Variants in ITPR2 observed in about 807,000 individuals in gnomAD.
ITPR2 encodes inositol 1,4,5-trisphosphate-gated calcium channel ITPR2.
In ITPR2, 207 loss-of-function variants were observed where a neutral mutation model predicts 317.1. The observed-to-expected ratio is 0.65, with a 90% CI of 0.58 to 0.73. The LOEUF (loss-of-function observed/expected upper bound fraction) is 0.73. Ranked by LOEUF, ITPR2 falls within the 30% of genes least tolerant of loss-of-function variation. ITPR2 has a pLI of 0.00. For missense variants in ITPR2, 2,613 were observed against 3,284.0 expected, an observed-to-expected ratio of 0.80 and a Z score of 4.99; for synonymous variants, 1,156 against 1,149.1, an observed-to-expected ratio of 1.01 and a Z score of -0.12.
intron 55 of ITPR2, among the ~76,000 whole-genome samples, chr12:26,368,967 A>G (rs1278003149): frequency 2.0e-5 from 3 of 152,230 alleles, no homozygotes; most frequent in Non-Finnish European, 2.9e-5. Flanking sequence ...GGACCTCTTT[A>G]GAAAAGGTGA....
intron 37 of ITPR2, among the ~76,000 whole-genome samples, chr12:26,509,889 G>C (rs1943285633): frequency 1.4e-5 from 2 of 148,048 alleles, no homozygotes; most frequent in Admixed American, 1.4e-4. Context: ...AAATATGTTA[G>C]TTAAAAAAGC....
At chr12:26,577,893 T>C (rs548150008) in intron 34 of ITPR2, among the ~76,000 whole-genome samples, 3 of 152,326 alleles carry the variant, frequency 2.0e-5, no homozygotes, top group Admixed American at 2.0e-4. Flanking sequence ...TCTGTTTTCT[T>C]AACTATCAAA....
chr12:26,690,293 T>G (rs1948211472), intron 10 of ITPR2, among the ~76,000 whole-genome samples: 1 of 152,218 alleles, frequency 6.6e-6, no homozygotes, highest in African/African-American at 2.4e-5. Context: ...GATCAGCATG[T>G]AACCCAAATA....
chr12:26,396,635 C>T (rs575233824), intron 54 of ITPR2, among the ~76,000 whole-genome samples: 3 of 152,270 alleles, frequency 2.0e-5, no homozygotes, highest in African/African-American at 7.2e-5. Flanking sequence ...CTCCTCCACA[C>T]TCCAGATTTC....
chr12:26,495,614 A>C (rs1379948674), intron 37 of ITPR2: 1 of 159,584 alleles, frequency 6.3e-6, no homozygotes, highest in Non-Finnish European at 1.4e-5. Flanking sequence ...TAACTCAATA[A>C]AGAGTTTTAA....
At chr12:26,742,293 A>G (rs969875882) in intron 2 of ITPR2, among the ~76,000 whole-genome samples, 2 of 152,194 alleles carry the variant, frequency 1.3e-5, no homozygotes, top group Admixed American at 6.5e-5. Context: ...GAAAGAATGA[A>G]CTGCTGCATG....
chr12:26,403,385 G>T (rs913366734), intron 52 of ITPR2, among the ~76,000 whole-genome samples: 3 of 152,206 alleles, frequency 2.0e-5, no homozygotes, highest in Non-Finnish European at 2.9e-5. Context: ...AACAGGGTAA[G>T]TTGGCTATCC....
intron 31 of ITPR2, among the ~76,000 whole-genome samples, chr12:26,595,795 C>G (rs1017617640): frequency 3.9e-5 from 6 of 152,180 alleles, no homozygotes; most frequent in African/African-American, 9.6e-5. Context: ...AGTACTCCAT[C>G]CCCCTGGGCC....
At chr12:26,819,081 A>G (rs1256048446) in intron 1 of ITPR2, among the ~76,000 whole-genome samples, 1 of 152,218 alleles carries the variant, frequency 6.6e-6, no homozygotes, top group African/African-American at 2.4e-5. Flanking sequence ...TCTAGCAAAG[A>G]GCATTATAGG....
At chr12:26,572,953 C>A (rs1945197591) in intron 34 of ITPR2, among the ~76,000 whole-genome samples, 1 of 151,126 alleles carries the variant, frequency 6.6e-6, no homozygotes, top group Admixed American at 6.6e-5. Context: ...TTTGGGGCAA[C>A]ATGATAAAGC....
intron 55 of ITPR2, among the ~76,000 whole-genome samples, chr12:26,344,513 C>A (rs1015108723): frequency 6.6e-6 from 1 of 152,148 alleles, no homozygotes. Flanking sequence ...TGTAAAGTTG[C>A]CTCCAAAGAA....
chr12:26,629,768 C>A (rs1008304572), intron 22 of ITPR2, among the ~76,000 whole-genome samples: 26 of 151,984 alleles, frequency 1.7e-4, no homozygotes, highest in African/African-American at 5.8e-4. Context: ...CTCTCCTCCC[C>A]CGACCCACCC....
intron 2 of ITPR2, among the ~76,000 whole-genome samples, chr12:26,731,910 T>C (rs1949034499): frequency 6.6e-6 from 1 of 152,192 alleles, no homozygotes; most frequent in Non-Finnish European, 1.5e-5. Context: ...CGTTTTTCAG[T>C]TTCCCTAAGA....
intron 26 of ITPR2, among the ~76,000 whole-genome samples, chr12:26,611,940 T>C (rs1437608936): frequency 6.6e-6 from 1 of 152,246 alleles, no homozygotes; most frequent in Admixed American, 6.5e-5. Context: ...TCAGAAATGA[T>C]GGTACAGTCT....
intron 34 of ITPR2, among the ~76,000 whole-genome samples, chr12:26,563,282 A>G (rs1483739838): frequency 6.6e-6 from 1 of 152,220 alleles, no homozygotes; most frequent in Non-Finnish European, 1.5e-5. Context: ...AGTAAGAGGT[A>G]AAACGTGGGC....
chr12:26,519,049 G>A (rs1483106398), intron 37 of ITPR2, among the ~76,000 whole-genome samples: 1 of 152,056 alleles, frequency 6.6e-6, no homozygotes, highest in Non-Finnish European at 1.5e-5. Flanking sequence ...AATTGTCAAA[G>A]AGCAAACAGC....
intron 55 of ITPR2, among the ~76,000 whole-genome samples, chr12:26,363,873 A>G (rs1463289981): frequency 6.6e-6 from 1 of 152,272 alleles, no homozygotes; most frequent in Non-Finnish European, 1.5e-5. Context: ...TGAAAAGTGT[A>G]TAATGACACC....
At chr12:26,424,586 G>GTTTTTTTTTTTTTTTTTTT (rs775756580) in intron 49 of ITPR2, among the ~76,000 whole-genome samples, 6 of 88,706 alleles carry the variant, frequency 6.8e-5, no homozygotes, top group East Asian at 3.4e-4. Flanking sequence ...TTCGTTTTGT[G>GTTTTTTTTTTTTTTTTTTT]TTTTTTTTTT....
chr12:26,746,952 CT>C (rs1448284773), intron 2 of ITPR2, among the ~76,000 whole-genome samples: 1 of 152,010 alleles, frequency 6.6e-6, no homozygotes, highest in Non-Finnish European at 1.5e-5. Context: ...CAAAAACATG[CT>C]TCCTTTTCAA....
Sources: allele counts gnomAD v4.1 joint callset (sites outside exome capture counted in the v4.1 genomes callset), GRCh38; gene constraint gnomAD v4.1.1; transcripts MANE v1.5; gene names NCBI Gene and HGNC (gene_info 2026-07-23, HGNC 2026-07-21).